The following RCC1L variants were observed in gnomAD, a reference collection of about 807,000 sequenced individuals.
RCC1L encodes RCC1-like G exchanging factor-like protein.
Under a neutral mutation model 58.6 loss-of-function variants are expected in RCC1L, and 46 were observed. That is an observed-to-expected ratio of 0.79 (90% CI 0.62 to 1.00). The LOEUF (loss-of-function observed/expected upper bound fraction) is 1.00, where lower values mean the gene tolerates loss of function less well. Among genes scored for constraint, RCC1L ranks in the 50% least tolerant of loss-of-function variants. The pLI is 0.00. For missense variants in RCC1L, 636 were observed against 623.6 expected, an observed-to-expected ratio of 1.02 and a Z score of -0.21; for synonymous variants, 281 against 262.9, an observed-to-expected ratio of 1.07 and a Z score of -0.67.
intron 6 of RCC1L, among the ~76,000 whole-genome samples, chr7:75,061,005 T>G (rs1806259483): frequency 6.6e-6 from 1 of 152,082 alleles, no homozygotes; most frequent in Non-Finnish European, 1.5e-5. Flanking sequence ...GCCTGGGAGT[T>G]TGAGACTGCA....
intron 7 of RCC1L, 105 bp from the exon 8 acceptor site, chr7:75,057,721 A>C: frequency 1.0e-6 from 1 of 967,678 alleles, no homozygotes; most frequent in South Asian, 1.3e-5. Context: ...TCATTCATTC[A>C]CTCCACAGAT....
intron 1 of RCC1L, 41 bp downstream of exon 1, chr7:75,073,373 G>T: frequency 1.1e-6 from 1 of 921,368 alleles, no homozygotes; most frequent in Non-Finnish European, 1.5e-6. Context: ...CGGGAGCGCG[G>T]AAGAGAGAGA....
chr7:75,071,035 T>C (rs587771240), intron 1 of RCC1L, among the ~76,000 whole-genome samples: 3 of 152,202 alleles, frequency 2.0e-5, no homozygotes, highest in South Asian at 2.1e-4. Context: ...TCTGTATTTT[T>C]AGTAGAGACA....
chr7:75,058,531 C>T, intron 7 of RCC1L, 57 bp downstream of exon 7: 11 of 1,550,232 alleles, frequency 7.1e-6, no homozygotes, highest in Non-Finnish European at 9.6e-6. Context: ...ACACCCGGCC[C>T]CTTAACACTT....
In RCC1L at chr7:75,042,617, C is replaced by A; in HGVS notation, c.*415G>T. 5.9e-6 allele frequency: 6 copies of A among 1,025,592 alleles called. No homozygotes were observed. Among genetic ancestry groups the A allele is most frequent in the Non-Finnish European group, 7.0e-6 (6 of 853,842 alleles). The allele number at this position is 1,025,592 out of a possible 1,614,324, so 63.5% of individuals were successfully genotyped here. A position where few individuals can be genotyped will look rare whatever the true frequency, so the allele number is the denominator to read the frequency against. ...GCCTAAGCTGGGGCTCGGTCCGAGG[C>A]ACACGCATGGCCTTGGCCAGACACA... On this transcript the variant is annotated 3_prime_UTR_variant, in exon 11 of 11. Coordinates refer to ENST00000610322, the MANE Select transcript of RCC1L (RefSeq NM_030798.5).
intron 1 of RCC1L, among the ~76,000 whole-genome samples, chr7:75,072,167 T>TATACATATAC (rs1806775292): frequency 1.6e-5 from 1 of 64,222 alleles, no homozygotes; most frequent in South Asian, 4.2e-4. Context: ...TATACATATA[T>TATACATATAC]ATATATATAT....
intron 9 of RCC1L, among the ~76,000 whole-genome samples, chr7:75,054,392 G>A (rs932418149): frequency 3.9e-5 from 6 of 152,102 alleles, no homozygotes; most frequent in African/African-American, 7.2e-5. Flanking sequence ...GTTAAGTCTC[G>A]GGGAGAAATC....
chr7:75,056,576 G>C, intron 8 of RCC1L: 3 of 1,533,238 alleles, frequency 2.0e-6, no homozygotes, highest in Non-Finnish European at 2.6e-6. Context: ...ATCCAAAGCT[G>C]AAGGCTGTTC....
In RCC1L at chr7:75,042,820, A is replaced by C. The variant is rs1805606072; in HGVS notation, c.*212T>G. 2 of 1,440,536 alleles carry C rather than the reference A, an allele frequency of 1.4e-6. No homozygotes were observed. Among genetic ancestry groups the C allele is most frequent in the South Asian group, 3.0e-5 (2 of 66,606 alleles). The allele number at this position is 1,440,536 out of a possible 1,614,324, so 89.2% of individuals were successfully genotyped here. On this transcript the variant is annotated 3_prime_UTR_variant, in exon 11 of 11. Coordinates refer to ENST00000610322, the MANE Select transcript of RCC1L (RefSeq NM_030798.5). The stretch of plus-strand genomic sequence containing the variant: ...CCACCAAAGGCTGCCATCCAAGCTG[A>C]GTTCCGCAGGCCTCACCTGCAGCTG...
chr7:75,039,792 G>A (rs1805511629), downstream of RCC1L, among the ~76,000 whole-genome samples: 1 of 152,164 alleles, frequency 6.6e-6, no homozygotes, highest in Non-Finnish European at 1.5e-5. Context: ...TCCATCGCGG[G>A]TGCCATTCAC....
At position 75,052,734 on chromosome 7, in the gene RCC1L, C is replaced by T. The variant is rs1563074591; in HGVS notation, c.1294G>A (p.Glu432Lys). 2.5e-6 allele frequency: 4 copies of T among 1,612,734 alleles called. No individual in the cohort carries two copies. Reference protein sequence around the residue: ...IRGCLGIGRLEDQYFPWRVTM... With the variant: ...IRGCLGIGRLKDQYFPWRVTM... ...ACCCTCCATGGGAAATACTGGTCCT[C>T]CAGGCGACCGATTCCCAGGCACCCT... is the stretch of plus-strand genomic sequence containing the variant. The change falls in exon 10 of 11, where the codon GAG (glutamate) becomes AAG (lysine). Residue 432 changes from glutamate to lysine, a missense_variant. By Grantham distance (56) the Glu-to-Lys change is moderately conservative. Transcript: ENST00000610322.
chr7:75,057,446 GC>G, intron 8 of RCC1L, 82 bp downstream of exon 8: 1 of 1,428,154 alleles, frequency 7.0e-7, no homozygotes, highest in South Asian at 1.2e-5. Context: ...AAGGTCTACG[GC>G]CTGCAAATCC....
exon 11 of RCC1L, chr7:75,027,900 T>G (rs1805182828): frequency 2.0e-6 from 2 of 1,009,710 alleles, no homozygotes; most frequent in South Asian, 2.7e-5. Context: ...CCCAGCTATC[T>G]CCTGGTCTGC....
At chr7:75,044,115 G>A (rs1013450403) in intron 10 of RCC1L, among the ~76,000 whole-genome samples, 4 of 152,110 alleles carry the variant, frequency 2.6e-5, no homozygotes, top group Non-Finnish European at 5.9e-5. Flanking sequence ...TTGGAAGGGC[G>A]CCCACTGTTC....
chr7:75,043,654 A>G (rs1805632074), intron 10 of RCC1L, among the ~76,000 whole-genome samples: 1 of 152,166 alleles, frequency 6.6e-6, no homozygotes, highest in Non-Finnish European at 1.5e-5. Flanking sequence ...ACGTGAGGTC[A>G]GAAGTTTGAG....
At chr7:75,049,240 C>A (rs587646088) in intron 10 of RCC1L, among the ~76,000 whole-genome samples, 31 of 152,260 alleles carry the variant, frequency 2.0e-4, no homozygotes, top group African/African-American at 7.0e-4. Context: ...CAGTGACTCA[C>A]CCCTGTAGTT....
At position 75,052,763 on chromosome 7, in the gene RCC1L, A is replaced by C; in HGVS notation, c.1265T>G (p.Ile422Ser). The C allele has an allele frequency of 6.2e-7, 1 of 1,613,364 alleles. No individual in the cohort carries two copies. Among genetic ancestry groups the C allele is most frequent in the South Asian group, 1.1e-5 (1 of 90,828 alleles). Residue 422 changes from isoleucine to serine, a missense_variant, in exon 10 of 11, where the codon ATC (isoleucine) becomes AGC (serine). By Grantham distance (142) the Ile-to-Ser change is moderately radical. Transcript: ENST00000610322. The part of the protein sequence containing the change: ...KGELFVWGKN[I>S]RGCLGIGRLE... ...GCGACCGATTCCCAGGCACCCTCGG[A>C]TGTTCTTGCCCCATACAAACAGCTC...
intron 10 of RCC1L, among the ~76,000 whole-genome samples, chr7:75,029,510 A>C (rs1805240192): frequency 6.6e-6 from 1 of 151,746 alleles, no homozygotes; most frequent in South Asian, 2.1e-4. Context: ...CGCTCGGCTA[A>C]TTTTTGTATT....
chr7:75,044,540 A>G (rs1378372067), intron 10 of RCC1L, among the ~76,000 whole-genome samples: 1 of 130,434 alleles, frequency 7.7e-6, no homozygotes, highest in Non-Finnish European at 1.6e-5. Context: ...TGGAGGTTGC[A>G]GTGAGCTGAG....
Sources: gnomAD v4.1 joint callset for allele counts (sites outside exome capture counted in the v4.1 genomes callset) on GRCh38, gnomAD v4.1.1 for gene constraint, MANE v1.5 for transcripts, NCBI Gene and HGNC (gene_info 2026-07-23, HGNC 2026-07-21) for gene names.